Variants in ATG16L2 observed in about 807,000 individuals in gnomAD.
ATG16L2 encodes the protein protein Atg16l2.
A neutral mutation model predicts 84.7 loss-of-function variants in ATG16L2; 77 were observed. That is an observed-to-expected ratio of 0.91 (90% confidence interval 0.76 to 1.10). The LOEUF is 1.10. Ranked by LOEUF, ATG16L2 falls within the 50% of genes least tolerant of loss-of-function variation. The pLI is 0.00. For synonymous variants in ATG16L2, 361 were observed against 342.8 expected, an observed-to-expected ratio of 1.05 and a Z score of -0.59; for missense variants, 782 against 817.6, an observed-to-expected ratio of 0.96 and a Z score of 0.53.
At chr11:72,830,319 C>T (rs532924529), downstream of ATG16L2, among the ~76,000 whole-genome samples, 21 of 152,170 alleles carry the variant, frequency 1.4e-4, no homozygotes, top group Non-Finnish European at 2.8e-4. Context: ...TAGCTGCCTC[C>T]TGGCCATCAT....
At position 72,828,930 on chromosome 11, in the gene ATG16L2, A is replaced by G; in HGVS notation, c.1718A>G (p.Tyr573Cys). The change falls in exon 17 of 18, where the codon TAC becomes TGC. Residue 573 changes from tyrosine (Y) to cysteine (C), a missense_variant. Transcript: ENST00000321297. The part of the protein sequence containing the change: ...ALAGSCDGAL[Y>C]IWDVDTGKLE... ...GCAGGCTCCTGTGATGGGGCCCTTT[A>G]CATCTGGGATGTGGACACCGGGAAA... The G allele has an allele frequency of 6.2e-7, 1 of 1,613,900 alleles. No homozygotes were observed. The highest frequency in any genetic ancestry group is 8.5e-7 in the Non-Finnish European group (1 of 1,179,980).
Position 72,829,091 on chromosome 11 carries a change from C to G in ATG16L2, c.1772+107C>G. 3.2e-6 allele frequency: 4 copies of G among 1,238,592 alleles called. No homozygotes were observed. The South Asian group carries it at 5.1e-5, about 16-fold the overall frequency. 76.7% of individuals were successfully genotyped at this position (1,238,592 alleles called of 1,614,324 possible). On this transcript the variant is annotated intron_variant, in intron 17 of 17. Coordinates refer to ENST00000321297, the MANE Select transcript of ATG16L2 (RefSeq NM_033388.2). ...GAGTCCCCAGCCCTTGTCCCTCCAC[C>G]TTCCACCCGACCAGAGCCCTTTGCA...
Position 72,822,571 on chromosome 11 carries a change from C to A in ATG16L2, c.710+28C>A, listed in dbSNP as rs2135098567. On this transcript the variant is annotated intron_variant, in intron 6 of 17. Transcript: ENST00000321297. The surrounding 1 kb of genome is among the most constrained non-coding windows in gnomAD (Gnocchi z 4.2). ...AAGAGTGGGGATGGGCCGGTCCGAC[C>A]CTTGCGTTCTGCCTCCCGCCCCGCC... 6.2e-7 allele frequency: 1 copy of A among 1,606,700 alleles called. No homozygotes were observed. Among genetic ancestry groups the A allele is most frequent in the Non-Finnish European group, 8.5e-7 (1 of 1,176,872 alleles).
intron 5 of ATG16L2, chr11:72,840,799 C>A (rs1860901220): frequency 2.8e-6 from 3 of 1,060,120 alleles, no homozygotes; most frequent in Admixed American, 1.9e-5. Context: ...AACACAGGGG[C>A]CACGGGGAAA....
downstream of ATG16L2, among the ~76,000 whole-genome samples, chr11:72,834,254 G>A (rs1458587825): frequency 6.6e-6 from 1 of 152,174 alleles, no homozygotes; most frequent in Non-Finnish European, 1.5e-5. Flanking sequence ...AGAGCAGCTG[G>A]ATTTCATCCT....
chr11:72,816,699 C>A (rs1386052734), intron 1 of ATG16L2, 29 bp from the exon 2 acceptor site: 1 of 1,578,962 alleles, frequency 6.3e-7, no homozygotes, highest in East Asian at 2.2e-5. Flanking sequence ...TCTGTCTCTG[C>A]CCCAGGCTCA....
At chr11:72,828,620 C>T in intron 15 of ATG16L2, 109 bp from the exon 16 acceptor site, 2 of 1,590,572 alleles carry the variant, frequency 1.3e-6, no homozygotes, top group Non-Finnish European at 1.7e-6. Flanking sequence ...CAGACCAGGT[C>T]CTGCTGAGGT....
exon 6 of ATG16L2, chr11:72,843,034 A>G: frequency 9.6e-7 from 1 of 1,036,842 alleles, no homozygotes; most frequent in Middle Eastern, 2.7e-4. Context: ...TATAAAGAAA[A>G]GCATATTATA....
rs769823638 is a variant in ATG16L2 at position 72,824,049 on chromosome 11, T to C, written c.825-11T>C. On this transcript the variant is annotated splice_polypyrimidine_tract_variant and intron_variant, in intron 7 of 17. Coordinates refer to ENST00000321297, the MANE Select transcript of ATG16L2 (RefSeq NM_033388.2). ...CAGTCCCTTAGCATATCTCTCTTGG[T>C]TTTGTCTCAGGTCTGCCTCAGCCAC... 1 of 1,614,058 alleles carries C rather than the reference T, an allele frequency of 6.2e-7. No homozygotes were observed. Among genetic ancestry groups the C allele is most frequent in the Admixed American group, 1.7e-5 (1 of 59,998 alleles).
rs1242955698 is a variant in ATG16L2, at chr11:72,829,525, CTGTT to C, written c.*141_*144del. ...GGAAGAAGGCCTGGCAGGACCTGGC[CTGTT>C]TGTTTAAAAATGAAGTATGGGTTGG... On this transcript the variant is annotated 3_prime_UTR_variant, in exon 18 of 18. Coordinates refer to ENST00000321297, the MANE Select transcript of ATG16L2 (RefSeq NM_033388.2). The C allele has an allele frequency of 1.9e-5, 27 of 1,417,184 alleles. No individual in the cohort carries two copies. The Admixed American group carries it at 2.6e-4, about 14-fold the overall frequency. 87.8% of individuals were successfully genotyped at this position (1,417,184 alleles called of 1,614,324 possible).
At chr11:72,832,383 A>AGG (rs1018745419), downstream of ATG16L2, among the ~76,000 whole-genome samples, 15 of 152,046 alleles carry the variant, frequency 9.9e-5, no homozygotes, top group African/African-American at 3.6e-4. Flanking sequence ...TCCCAGTAGG[A>AGG]GGGGGTGCTT....
At chr11:72,823,401 A>G in intron 7 of ATG16L2, 1 of 350,710 alleles carries the variant, frequency 2.9e-6, no homozygotes, top group Non-Finnish European at 5.7e-6. Context: ...GCATGTGTAG[A>G]TGTGTGCTCA....
chr11:72,823,135 G>A (rs1232572012), intron 7 of ATG16L2, 174 bp downstream of exon 7: 1 of 567,812 alleles, frequency 1.8e-6, no homozygotes, highest in Non-Finnish European at 3.1e-6. Flanking sequence ...GGAGCCACTT[G>A]GGGTCAGTTC....
rs567709163 is a variant in ATG16L2 at position 72,821,458 on chromosome 11, C to G, written c.319-210C>G. The G allele has an allele frequency of 2.1e-3, 2,861 of 1,390,704 alleles. 8 individuals carry two copies. Among genetic ancestry groups the G allele is most frequent in the South Asian group, 5.4e-3 (342 of 62,810 alleles). The allele number at this position is 1,390,704 out of a possible 1,614,324, so 86.1% of individuals were successfully genotyped here. ...AAGCGGCACGGCGAGGATTGGGACC[C>G]AGGGCTGACTCCAGAGCCCGAGGGC... On this transcript the variant is annotated intron_variant, in intron 3 of 17. Coordinates refer to ENST00000321297, the MANE Select transcript of ATG16L2 (RefSeq NM_033388.2).
intron 1 of ATG16L2, 147 bp from the exon 2 acceptor site, chr11:72,816,581 G>T (rs1859710196): frequency 7.7e-6 from 5 of 648,322 alleles, no homozygotes; most frequent in Admixed American, 5.0e-5. Context: ...TGCCCCTCAG[G>T]CACAGGGCAG....
intron 4 of ATG16L2, 90 bp from the exon 5 acceptor site, chr11:72,821,954 G>A: frequency 2.8e-6 from 4 of 1,433,868 alleles, no homozygotes; most frequent in Non-Finnish European, 3.6e-6. Flanking sequence ...CGTTTGGCAT[G>A]GGCAGGTCTG....
intron 14 of ATG16L2, 95 bp from the exon 15 acceptor site, chr11:72,828,264 T>TG (rs1860479707): frequency 1.4e-6 from 2 of 1,450,818 alleles, no homozygotes; most frequent in Non-Finnish European, 1.9e-6. Context: ...CCTCCGGACT[T>TG]GGTTAGCTAG....
chr11:72,819,759 T>G (rs1225662058), intron 3 of ATG16L2, among the ~76,000 whole-genome samples: 1 of 151,958 alleles, frequency 6.6e-6, no homozygotes, highest in African/African-American at 2.4e-5. Context: ...TTCTTTTTTT[T>G]TTTTGAGACG....
intron 12 of ATG16L2, 47 bp from the exon 13 acceptor site, chr11:72,826,644 GGGGGCCTGTTAT>G: frequency 6.2e-7 from 1 of 1,614,096 alleles, no homozygotes; most frequent in Non-Finnish European, 8.5e-7. Flanking sequence ...CTCAGGACTA[GGGGGCCTGTTAT>G]GGGGTCTTGG....
Sources: allele counts gnomAD v4.1 joint callset (sites outside exome capture counted in the v4.1 genomes callset), GRCh38; gene constraint gnomAD v4.1.1; non-coding constraint Gnocchi (gnomAD v3.1); transcripts MANE v1.5; gene names NCBI Gene and HGNC (gene_info 2026-07-23, HGNC 2026-07-21).